The following DHRS2 variants were observed in gnomAD, a reference collection of about 807,000 sequenced individuals.
DHRS2 encodes dehydrogenase/reductase 2.
In DHRS2, 29 loss-of-function variants were observed where a neutral mutation model predicts 26.3. The ratio of observed to expected loss-of-function variants is 1.10; its 90% CI spans 0.82 to 1.50. The LOEUF (loss-of-function observed/expected upper bound fraction) is 1.50. DHRS2 is among the 40% of genes most tolerant of loss of function. The pLI is 0.00. For synonymous variants in DHRS2, 164 were observed against 151.3 expected (o/e 1.08, Z -0.62); for missense variants, 439 against 367.1 (o/e 1.20, Z -1.60).
intron 1 of DHRS2, among the ~76,000 whole-genome samples, chr14:23,637,806 G>T (rs796634663): frequency 4.6e-5 from 7 of 152,216 alleles, no homozygotes; most frequent in East Asian, 3.9e-4. Context: ...TCTAGCTAAA[G>T]GTTTGTAAAC....
chr14:23,631,697 G>A, upstream of DHRS2, among the ~76,000 whole-genome samples: 1 of 152,152 alleles, frequency 6.6e-6, no homozygotes, highest in East Asian at 1.9e-4. Flanking sequence ...AGCATGGAAA[G>A]GGGTATCAGA....
chr14:23,644,005 C>T (rs1890770715), intron 5 of DHRS2, 106 bp from the exon 6 acceptor site: 2 of 1,140,370 alleles, frequency 1.8e-6, no homozygotes, highest in South Asian at 2.5e-5. Flanking sequence ...AGTAATAGGA[C>T]CTGTGTTGCT....
At chr14:23,637,216 T>G (rs1890354163) in intron 1 of DHRS2, among the ~76,000 whole-genome samples, 1 of 152,194 alleles carries the variant, frequency 6.6e-6, no homozygotes, top group Non-Finnish European at 1.5e-5. Context: ...CTAGTCCCAC[T>G]TCTAAAAAAC....
intron 1 of DHRS2, 153 bp from the exon 2 acceptor site, chr14:23,638,674 C>T (rs1050319301): frequency 5.8e-6 from 4 of 690,778 alleles, no homozygotes; most frequent in African/African-American, 5.4e-5. Context: ...GCTTTCCTGA[C>T]CTGAGGTTCA....
intron 1 of DHRS2, among the ~76,000 whole-genome samples, chr14:23,630,997 A>AT (rs1464875988): frequency 2.0e-5 from 3 of 152,132 alleles, no homozygotes; most frequent in Non-Finnish European, 4.4e-5. Context: ...GATTGTAAAT[A>AT]TTTTTTATCA....
chr14:23,630,500 A>G (rs1251448972), intron 1 of DHRS2, among the ~76,000 whole-genome samples: 2 of 152,264 alleles, frequency 1.3e-5, no homozygotes, highest in Non-Finnish European at 2.9e-5. Flanking sequence ...ACTGTGATAC[A>G]GATGGAGGCA....
chr14:23,643,120 C>T, intron 4 of DHRS2, 32 bp from the exon 5 acceptor site: 2 of 1,612,154 alleles, frequency 1.2e-6, no homozygotes, highest in Middle Eastern at 3.3e-4. Context: ...CCATGTCTCT[C>T]TGCCCTCACC....
chr14:23,645,380 A>G lies in DHRS2; in HGVS notation c.*127A>G. On this transcript the variant is annotated 3_prime_UTR_variant, in exon 9 of 9. Transcript: ENST00000250383. ...AGACTAGCAATTTGGGGGCTTACTC[A>G]TGCTAGGCTTGAGGAAGAAGAAAAA... The G allele has an allele frequency of 1.3e-6, 2 of 1,572,484 alleles. No individual in the cohort carries two copies. Among genetic ancestry groups the G allele is most frequent in the Admixed American group, 1.7e-5 (1 of 57,794 alleles).
intron 2 of DHRS2, 82 bp downstream of exon 2, chr14:23,639,086 A>AC: frequency 6.3e-7 from 1 of 1,593,296 alleles, no homozygotes; most frequent in South Asian, 1.1e-5. Flanking sequence ...TTAAAGCAAG[A>AC]CCCAGCCTTA....
intron 1 of DHRS2, 71 bp downstream of exon 1, chr14:23,636,843 T>G (rs774341240): frequency 6.6e-5 from 10 of 152,272 alleles, no homozygotes; most frequent in African/African-American, 9.6e-5. Flanking sequence ...GGCTAAATTC[T>G]GGGCACCTGT....
chr14:23,637,125 T>A (rs1290239326), intron 1 of DHRS2, among the ~76,000 whole-genome samples: 1 of 151,272 alleles, frequency 6.6e-6, no homozygotes, highest in East Asian at 1.9e-4. Flanking sequence ...GACTCACCTA[T>A]CTATCCTATC....
rs895499911 is a variant in DHRS2 at position 23,639,498 on chromosome 14, AG to A, written c.318+143del. 1.5e-5 allele frequency: 19 copies of A among 1,266,876 alleles called. No homozygotes were observed. The African/African-American group carries it at 2.7e-4, about 18-fold the overall frequency. 78.5% of individuals were successfully genotyped at this position (1,266,876 alleles called of 1,614,324 possible). A position where few individuals can be genotyped will look rare whatever the true frequency, so the allele number is the denominator to read the frequency against. The stretch of plus-strand genomic sequence containing the variant: ...GCTGCCCAAGCTAACCTCGCTACCC[AG>A]AAGGTCCCTCAGGAAAGTGACCTGT... On this transcript the variant is annotated intron_variant, in intron 3 of 8. Coordinates refer to ENST00000250383, the MANE Select transcript of DHRS2 (RefSeq NM_005794.4).
intron 5 of DHRS2, chr14:23,643,773 G>A (rs1594248829): frequency 5.2e-6 from 2 of 384,322 alleles, no homozygotes; most frequent in Non-Finnish European, 9.8e-6. Context: ...GCTCCTTAGA[G>A]GTTGCTCATT....
rs1215796706 is a variant in DHRS2 at position 23,643,231 on chromosome 14, C to CG, written c.488+17dup. 1 of 1,613,010 alleles carries CG rather than the reference C, an allele frequency of 6.2e-7. No individual in the cohort carries two copies. The highest frequency in any genetic ancestry group is 8.5e-7 in the Non-Finnish European group (1 of 1,179,674). The stretch of plus-strand genomic sequence containing the variant: ...TACATGGAGAACAGGTATGGCAGGG[C>CG]GGGGGTGGGGACCAGTCGGAGTTGG... On this transcript the variant is annotated intron_variant, in intron 5 of 8. Coordinates refer to ENST00000250383, the MANE Select transcript of DHRS2 (RefSeq NM_005794.4).
intron 1 of DHRS2, among the ~76,000 whole-genome samples, chr14:23,630,958 C>T (rs1396938373): frequency 6.6e-6 from 1 of 152,092 alleles, no homozygotes; most frequent in African/African-American, 2.4e-5. Flanking sequence ...GTAGATGAAG[C>T]CTCCAGGTAG....
At position 23,644,413 on chromosome 14, in the gene DHRS2, T is replaced by G. The variant is rs1555367722; in HGVS notation, c.545T>G (p.Leu182Arg). The G allele has an allele frequency of 6.2e-7, 1 of 1,614,154 alleles. No individual in the cohort carries two copies. The highest frequency in any genetic ancestry group is 8.5e-7 in the Non-Finnish European group (1 of 1,180,028). The change falls in exon 7 of 9, where the codon CTG (leucine) becomes CGG (arginine). Residue 182 changes from leucine (L) to arginine (R), a missense_variant. Coordinates refer to ENST00000250383, the MANE Select transcript of DHRS2 (RefSeq NM_005794.4). ...SIAAYNPVVA[L>R]GVYNVSKTAL... ...CTCTGTCAATTCCCTTCCCAGGCGC[T>G]GGGTGTCTACAATGTCAGCAAGACA...
At chr14:23,633,185 T>G (rs1309512106), upstream of DHRS2, among the ~76,000 whole-genome samples, 1 of 152,230 alleles carries the variant, frequency 6.6e-6, no homozygotes, top group East Asian at 1.9e-4. Context: ...ATCCTCTCCC[T>G]GCCTTCACAT....
In DHRS2 at chr14:23,639,371, G is replaced by A. The variant is rs777096673; in HGVS notation, c.318+15G>A. 3.8e-5 allele frequency: 59 copies of A among 1,555,250 alleles called. No individual in the cohort carries two copies. Among genetic ancestry groups the A allele is most frequent in the East Asian group, 4.5e-5 (2 of 44,466 alleles). ...TGGTGGCCAAGGTGAGGGGGCAGGC[G>A]GTGGAAGGACACAGAGAGGGGAACA... is the stretch of plus-strand genomic sequence containing the variant. On this transcript the variant is annotated intron_variant, in intron 3 of 8. Transcript: ENST00000250383.
In DHRS2 at chr14:23,645,449, C is replaced by A; in HGVS notation, c.*196C>A. ...AGGACTTATCTGCTTGTAGATTTGG[C>A]TGATCCAATTAACATGTGGGGTTCT... On this transcript the variant is annotated 3_prime_UTR_variant, in exon 9 of 9. Transcript: ENST00000250383. 3.5e-6 allele frequency: 4 copies of A among 1,157,280 alleles called. No homozygotes were observed. The highest frequency in any genetic ancestry group is 1.6e-5 in the African/African-American group (1 of 64,246). The allele number at this position is 1,157,280 out of a possible 1,614,324, so 71.7% of individuals were successfully genotyped here.
Sources: gnomAD v4.1 joint callset for allele counts (sites outside exome capture counted in the v4.1 genomes callset) on GRCh38, gnomAD v4.1.1 for gene constraint, MANE v1.5 for transcripts, NCBI Gene and HGNC (gene_info 2026-07-23, HGNC 2026-07-21) for gene names.